The following CCDC59 variants were observed in gnomAD, a reference collection of about 807,000 sequenced individuals.
The protein encoded by CCDC59 is thyroid transcription factor 1-associated protein 26.
Under a neutral mutation model 30.5 loss-of-function variants are expected in CCDC59, and 27 were observed. That is an observed-to-expected ratio of 0.89 (90% CI 0.65 to 1.22). The LOEUF is 1.22. Among genes scored for constraint, CCDC59 ranks in the 50% most tolerant of loss-of-function variants. The pLI, the probability that CCDC59 is intolerant of heterozygous loss-of-function variation, is 0.00. For synonymous variants in CCDC59, 125 were observed against 100.9 expected (o/e 1.24, Z -1.43); for missense variants, 362 against 284.4 (o/e 1.27, Z -1.96).
intron 1 of CCDC59, 64 bp downstream of exon 1, chr12:82,358,159 G>A: frequency 1.3e-6 from 2 of 1,586,200 alleles, no homozygotes; most frequent in Admixed American, 1.7e-5. Flanking sequence ...CCAAGCTTCA[G>A]CGAATCTTAT....
upstream of CCDC59, chr12:82,358,579 GC>G: frequency 6.2e-7 from 1 of 1,611,458 alleles, no homozygotes; most frequent in Non-Finnish European, 8.5e-7. Context: ...GCGGCTTCTT[GC>G]CCTCTCCCGG....
chr12:82,353,035 T>C lies in CCDC59; in HGVS notation c.*116A>G. ...AATAAAAATATGTGAACATCTTATA[T>C]TTAGCATAGTTTAGCAATCCAGTTT... On this transcript the variant is annotated 3_prime_UTR_variant, in exon 4 of 4. Coordinates refer to ENST00000256151, the MANE Select transcript of CCDC59 (RefSeq NM_014167.5). The C allele has an allele frequency of 8.2e-6, 6 of 730,082 alleles. No individual in the cohort carries two copies. Among genetic ancestry groups the C allele is most frequent in the South Asian group, 2.3e-5 (1 of 43,336 alleles). 45.2% of individuals were successfully genotyped at this position (730,082 alleles called of 1,614,324 possible). A position where few individuals can be genotyped will look rare whatever the true frequency, so the allele number is the denominator to read the frequency against.
In CCDC59 at chr12:82,353,135, T is replaced by A; in HGVS notation, c.*16A>T. On this transcript the variant is annotated 3_prime_UTR_variant, in exon 4 of 4. Coordinates refer to ENST00000256151, the MANE Select transcript of CCDC59 (RefSeq NM_014167.5). ...CTAATAGGCAGCAGATATTTTAACC[T>A]GTAGGAACAAAATGTTTAACATTTT... The A allele has an allele frequency of 6.3e-7, 1 of 1,589,126 alleles. No homozygotes were observed. The highest frequency in any genetic ancestry group is 8.5e-7 in the Non-Finnish European group (1 of 1,170,108).
intron 1 of CCDC59, among the ~76,000 whole-genome samples, chr12:82,357,946 G>C (rs1257229282): frequency 6.6e-6 from 1 of 152,182 alleles, no homozygotes; most frequent in Non-Finnish European, 1.5e-5. Flanking sequence ...CAGGGTCATA[G>C]ACTCTCTCTG....
intron 3 of CCDC59, 47 bp from the exon 4 acceptor site, chr12:82,353,359 TAC>T (rs1565783922): frequency 3.4e-6 from 5 of 1,449,592 alleles, no homozygotes; most frequent in Non-Finnish European, 4.7e-6. Context: ...AAACAGTAGA[TAC>T]AGTTCAGAAA....
intron 1 of CCDC59, 24 bp downstream of exon 1, chr12:82,358,199 G>A (rs748598100): frequency 6.2e-7 from 1 of 1,613,828 alleles, no homozygotes; most frequent in Non-Finnish European, 8.5e-7. Flanking sequence ...CTGAGGATTT[G>A]CAAATGGTTG....
intron 2 of CCDC59, 36 bp downstream of exon 2, chr12:82,356,924 A>C: frequency 1.3e-6 from 2 of 1,489,060 alleles, no homozygotes; most frequent in Non-Finnish European, 1.8e-6. Flanking sequence ...ATAATAAAAC[A>C]ACACTTAAAG....
chr12:82,358,764 T>G (rs112592060), upstream of CCDC59: 129,999 of 1,613,076 alleles, frequency 0.081, 5,828 homozygotes, highest in Middle Eastern at 0.093. Flanking sequence ...GAAGTCAGCG[T>G]CGGAGACGGA....
chr12:82,353,121 C>A lies in CCDC59; in HGVS notation c.*30G>T. 2 of 1,561,472 alleles carry A rather than the reference C, an allele frequency of 1.3e-6. No homozygotes were observed. Among genetic ancestry groups the A allele is most frequent in the South Asian group, 1.2e-5 (1 of 82,114 alleles). ...TGTCACAGAAGAACCTAATAGGCAG[C>A]AGATATTTTAACCTGTAGGAACAAA... On this transcript the variant is annotated 3_prime_UTR_variant, in exon 4 of 4. Transcript: ENST00000256151.
intron 2 of CCDC59, chr12:82,354,959 C>T (rs549510915): frequency 6.1e-6 from 1 of 164,896 alleles, no homozygotes; most frequent in African/African-American, 2.4e-5. Flanking sequence ...ATCACCATAC[C>T]TTGGATCTAG....
At position 82,352,365 on chromosome 12, in the gene CCDC59, T is replaced by C. The variant is rs1227037870; in HGVS notation, c.*786A>G. The C allele has an allele frequency of 6.6e-6, 1 of 152,260 alleles. No individual in the cohort carries two copies. Among genetic ancestry groups the C allele is most frequent in the Non-Finnish European group, 1.5e-5 (1 of 68,032 alleles). 9.4% of individuals were successfully genotyped at this position (152,260 alleles called of 1,614,324 possible). On this transcript the variant is annotated 3_prime_UTR_variant, in exon 4 of 4. Coordinates refer to ENST00000256151, the MANE Select transcript of CCDC59 (RefSeq NM_014167.5). ...GGCAAGTATTATTGGTCAGCCCTTT[T>C]TGCTTACAATGACTATATATATATT...
At chr12:82,353,624 T>C (rs1273401291) in intron 3 of CCDC59, among the ~76,000 whole-genome samples, 1 of 152,104 alleles carries the variant, frequency 6.6e-6, no homozygotes, top group Non-Finnish European at 1.5e-5. Context: ...TTTCCAAAGG[T>C]GACAGATGGT....
chr12:82,358,389 AC>A (rs1459881810), upstream of CCDC59: 3 of 1,612,612 alleles, frequency 1.9e-6, no homozygotes, highest in East Asian at 2.2e-5. Context: ...CAGCCGACTA[AC>A]TGCGTCATCA....
Position 82,356,964 on chromosome 12 carries a change from C to G in CCDC59, c.460G>C (p.Val154Leu), listed in dbSNP as rs559579209. 6.3e-7 allele frequency: 1 copy of G among 1,596,698 alleles called. No homozygotes were observed. The highest frequency in any genetic ancestry group is 1.7e-5 in the Admixed American group (1 of 59,482). Residue 154 changes from valine to leucine, a missense_variant, in exon 2 of 4, where the codon GTA becomes CTA. Transcript: ENST00000256151. Reference protein sequence around the residue: ...PQPEEQCIKTVNSFTIPKKNK... With the variant: ...PQPEEQCIKTLNSFTIPKKNK... ...TCAAATGAAGAAAATACATACTTTACTGTTTTAATACATTGTTCTTCTGGC... is the reference window on the plus strand; with the variant it reads ...TCAAATGAAGAAAATACATACTTTAGTGTTTTAATACATTGTTCTTCTGGC...
chr12:82,353,584 G>A (rs1880897515), intron 3 of CCDC59, among the ~76,000 whole-genome samples: 1 of 152,042 alleles, frequency 6.6e-6, no homozygotes. Context: ...ACAGCATAAT[G>A]GTCATTACTG....
chr12:82,353,706 C>T (rs1880901501), intron 3 of CCDC59, among the ~76,000 whole-genome samples: 2 of 152,098 alleles, frequency 1.3e-5, no homozygotes, highest in Non-Finnish European at 2.9e-5. Flanking sequence ...CTGCTTTCTC[C>T]TAATCTGCCA....
Position 82,357,195 on chromosome 12 carries a change from C to A in CCDC59, c.229G>T (p.Ala77Ser), listed in dbSNP as rs113127767. The A allele has an allele frequency of 3.3e-5, 54 of 1,614,016 alleles. No homozygotes were observed. Among genetic ancestry groups the A allele is most frequent in the Middle Eastern group, 3.3e-4 (2 of 6,084 alleles). ...AATTGAGATTCCAGTGACGTTTGAG[C>A]CTTCTTTTCCTTCCGTAGCAATTTC... The part of the protein sequence containing the change: ...YKKLLRKEKK[A>S]QTSLESQFTD... Residue 77 changes from alanine (A) to serine (S), a missense_variant, in exon 2 of 4, where the codon GCT becomes TCT. Ala to Ser is a moderately conservative substitution (Grantham distance 99). Transcript: ENST00000256151.
intron 2 of CCDC59, chr12:82,356,067 A>C (rs566475957): frequency 6.6e-6 from 1 of 152,190 alleles, no homozygotes; most frequent in South Asian, 2.1e-4. Context: ...ATCCCCAATT[A>C]CATTTTTACC....
intron 2 of CCDC59, chr12:82,355,275 T>A (rs918262588): frequency 6.6e-6 from 1 of 152,214 alleles, no homozygotes; most frequent in Non-Finnish European, 1.5e-5. Flanking sequence ...ACACCCCTTA[T>A]CCATGGTTTC....
Sources: allele counts gnomAD v4.1 joint callset (sites outside exome capture counted in the v4.1 genomes callset), GRCh38; gene constraint gnomAD v4.1.1; transcripts MANE v1.5; gene names NCBI Gene and HGNC (gene_info 2026-07-23, HGNC 2026-07-21).